MRPS27: variants seen among roughly 807,000 people sequenced by gnomAD.
MRPS27 encodes small ribosomal subunit protein mS27.
Under a neutral mutation model 48.9 loss-of-function variants are expected in MRPS27, and 43 were observed. The observed-to-expected ratio is 0.88, with a 90% confidence interval of 0.69 to 1.13. MRPS27 has a LOEUF of 1.13. MRPS27 is among the 50% of genes most tolerant of loss of function. The pLI is 0.00. For synonymous variants in MRPS27, 188 were observed against 171.9 expected (o/e 1.09, Z -0.73); for missense variants, 467 against 476.3 (o/e 0.98, Z 0.18).
intron 4 of MRPS27, among the ~76,000 whole-genome samples, chr5:72,293,765 A>C (rs1413418273): frequency 6.6e-6 from 1 of 152,222 alleles, no homozygotes; most frequent in Non-Finnish European, 1.5e-5. Context: ...TCCCAACACT[A>C]TGGCACTGTA....
At chr5:72,242,317 AAAGAAGGAGAG>A (rs1748373376) in intron 4 of MRPS27, among the ~76,000 whole-genome samples, 1 of 152,080 alleles carries the variant, frequency 6.6e-6, no homozygotes, top group Non-Finnish European at 1.5e-5. Flanking sequence ...TGTTACCAGG[AAAGAAGGAGAG>A]CAGAATCACA....
chr5:72,317,900 A>C (rs1580124765), intron 1 of MRPS27, among the ~76,000 whole-genome samples: 1 of 152,256 alleles, frequency 6.6e-6, no homozygotes, highest in African/African-American at 2.4e-5. Flanking sequence ...ATAACCCACA[A>C]ACATCCTCCT....
chr5:72,267,325 T>C (rs1046827674), intron 4 of MRPS27, among the ~76,000 whole-genome samples: 2 of 152,178 alleles, frequency 1.3e-5, no homozygotes, highest in Non-Finnish European at 1.5e-5. Context: ...TCATATAACA[T>C]ATGAACAGAG....
chr5:72,255,528 CT>C (rs1274281254), intron 4 of MRPS27, among the ~76,000 whole-genome samples: 1 of 152,166 alleles, frequency 6.6e-6, no homozygotes, highest in African/African-American at 2.4e-5. Flanking sequence ...CAATTCTTTC[CT>C]CTTTAGTCCA....
intron 4 of MRPS27, among the ~76,000 whole-genome samples, chr5:72,255,115 T>C (rs1261681939): frequency 7.1e-6 from 1 of 139,994 alleles, no homozygotes; most frequent in East Asian, 2.3e-4. Flanking sequence ...CTCAGCTCAC[T>C]GCAACCTCCA....
At chr5:72,240,549 CTAAAGT>C (rs1748322291) in intron 4 of MRPS27, among the ~76,000 whole-genome samples, 1 of 152,254 alleles carries the variant, frequency 6.6e-6, no homozygotes, top group South Asian at 2.1e-4. Flanking sequence ...CCAATGGCCA[CTAAAGT>C]TGTAACTTTT....
At chr5:72,295,434 A>C in intron 4 of MRPS27, 97 bp downstream of exon 4, 1 of 835,190 alleles carries the variant, frequency 1.2e-6, no homozygotes. Context: ...ATATAAACTT[A>C]GAAGGTGTCA....
intron 2 of MRPS27, among the ~76,000 whole-genome samples, chr5:72,308,991 C>G (rs955881220): frequency 6.6e-6 from 1 of 152,148 alleles, no homozygotes; most frequent in Non-Finnish European, 1.5e-5. Context: ...AGCTGAAAGC[C>G]GCAGAACTGG....
intron 4 of MRPS27, among the ~76,000 whole-genome samples, chr5:72,240,139 CTAAT>C (rs1229197068): frequency 2.6e-5 from 4 of 151,952 alleles, no homozygotes; most frequent in Admixed American, 6.6e-5. Flanking sequence ...GGTTTTTCAG[CTAAT>C]TAAAAAAAGA....
intron 4 of MRPS27, among the ~76,000 whole-genome samples, chr5:72,264,423 AAGAG>A (rs144245905): frequency 0.016 from 2,403 of 152,320 alleles, 25 homozygotes; most frequent in Middle Eastern, 0.027. Flanking sequence ...TTTAAAAAAA[AAGAG>A]AGAGAGACTT....
chr5:72,297,591 T>G, intron 3 of MRPS27, 41 bp downstream of exon 3: 6 of 1,345,554 alleles, frequency 4.5e-6, no homozygotes, highest in Non-Finnish European at 6.3e-6. Flanking sequence ...TCTGGCTTTC[T>G]TCCTTGTTCT....
At chr5:72,263,270 G>A (rs1749029871) in intron 4 of MRPS27, among the ~76,000 whole-genome samples, 1 of 151,966 alleles carries the variant, frequency 6.6e-6, no homozygotes, top group Non-Finnish European at 1.5e-5. Flanking sequence ...GTGCATAGTA[G>A]TAACATGAAC....
rs1027562802 is a variant in MRPS27 at position 72,250,124 on chromosome 5, G to A, written c.282-11996C>T. Among the ~76,000 whole-genome samples the A allele has an allele frequency of 5.9e-5, 9 of 152,152 alleles. No individual in the cohort carries two copies. The East Asian group carries it at 1.7e-3, about 29-fold the overall frequency. ...AACACTGATTATTTCATAACACCCT[G>A]ATAATAAATTTTGAAAAACTGGCTC... On this transcript the variant is annotated intron_variant, in intron 4 of 10. Transcript: ENST00000261413.
intron 2 of MRPS27, among the ~76,000 whole-genome samples, chr5:72,308,644 G>A (rs1171673542): frequency 2.0e-5 from 3 of 152,226 alleles, no homozygotes; most frequent in Non-Finnish European, 4.4e-5. Context: ...CTACCATGCG[G>A]CCTCCCTGCT....
intron 8 of MRPS27, chr5:72,227,173 C>G (rs1747922718): frequency 3.3e-5 from 5 of 152,236 alleles, no homozygotes; most frequent in Admixed American, 3.3e-4. Context: ...TGGCTGCTAT[C>G]ACAAAGAACC....
At chr5:72,227,209 A>C (rs1279100755) in intron 8 of MRPS27, 1 of 152,224 alleles carries the variant, frequency 6.6e-6, no homozygotes, top group Non-Finnish European at 1.5e-5. Context: ...AAACCACAAC[A>C]AAGTACATAT....
rs114780102 is a variant in MRPS27, at chr5:72,235,943, G to C, written c.397-1746C>G. Among the ~76,000 whole-genome samples, 567 of 152,230 alleles carry C rather than the reference G, an allele frequency of 3.7e-3. 1 individual carries two copies. The highest frequency in any genetic ancestry group is 0.013 in the African/African-American group (551 of 41,542). On this transcript the variant is annotated intron_variant, in intron 5 of 10. Transcript: ENST00000261413. ...TGGCCCTTGGTTGAAATACTATTCAGTAAGGCCATAAGCCACTGCCTTGAG... is the reference window on the plus strand; with the variant it reads ...TGGCCCTTGGTTGAAATACTATTCACTAAGGCCATAAGCCACTGCCTTGAG...
intron 2 of MRPS27, 43 bp downstream of exon 2, chr5:72,314,038 A>C: frequency 7.1e-7 from 1 of 1,411,124 alleles, no homozygotes; most frequent in Non-Finnish European, 1.0e-6. Context: ...AGACATACAG[A>C]GTGACCGAAA....
chr5:72,308,726 G>A (rs988557688), intron 2 of MRPS27, among the ~76,000 whole-genome samples: 7 of 152,162 alleles, frequency 4.6e-5, no homozygotes, highest in African/African-American at 1.7e-4. Context: ...GAGTAAAACC[G>A]AAAACAATGT....
Sources: gnomAD v4.1 joint callset for allele counts (sites outside exome capture counted in the v4.1 genomes callset) on GRCh38, gnomAD v4.1.1 for gene constraint, MANE v1.5 for transcripts, NCBI Gene and HGNC (gene_info 2026-07-23, HGNC 2026-07-21) for gene names.